The following PAN3 variants were observed in gnomAD, a reference collection of about 807,000 sequenced individuals.
The protein encoded by PAN3 is poly(A) specific ribonuclease subunit PAN3, also known as PAN2-PAN3 deadenylation complex subunit PAN3.
A neutral mutation model predicts 96.2 loss-of-function variants in PAN3; 19 were observed. The observed-to-expected ratio is 0.20, with a 90% CI of 0.14 to 0.29. PAN3 has a LOEUF of 0.29. Among genes scored for constraint, PAN3 ranks in the 10% least tolerant of loss-of-function variants. The pLI, the probability that PAN3 is intolerant of heterozygous loss-of-function variation, is 1.00. For synonymous variants in PAN3, 433 were observed against 406.6 expected (o/e 1.06, Z -0.78); for missense variants, 882 against 1,108.1 (o/e 0.80, Z 2.90).
At chr13:28,198,089 A>G (rs931311453) in intron 5 of PAN3, among the ~76,000 whole-genome samples, 8 of 152,188 alleles carry the variant, frequency 5.3e-5, no homozygotes, top group African/African-American at 1.9e-4. Flanking sequence ...CCTGGCCAAC[A>G]TGGTGAAACC....
chr13:28,187,021 A>T (rs1243819980), intron 4 of PAN3, among the ~76,000 whole-genome samples: 2 of 151,982 alleles, frequency 1.3e-5, no homozygotes, highest in Non-Finnish European at 2.9e-5. Flanking sequence ...GCAACATGGT[A>T]AGACCCGTCT....
At chr13:28,265,662 G>T (rs1314660371) in intron 9 of PAN3, among the ~76,000 whole-genome samples, 1 of 151,822 alleles carries the variant, frequency 6.6e-6, no homozygotes, top group African/African-American at 2.4e-5. Flanking sequence ...TCTTAATAGG[G>T]TTTCATCTGT....
rs748021448 is a variant in PAN3 at position 28,288,014 on chromosome 13, T to C, written c.2415T>C (p.Thr805=). The change falls in exon 18 of 19, where the codon ACT becomes ACC. Residue 805 remains threonine (T), a synonymous_variant. Transcript: ENST00000380958. ...AGAAGGATCCCACTTGGTCAGAGAC[T>C]GGAGACCGTTATCTGTTGAAACTCT... is the stretch of plus-strand genomic sequence containing the variant. ...EFQKDPTWSE[T]GDRYLLKLFR... is the part of the protein sequence containing the mutation. The C allele has an allele frequency of 1.2e-6, 2 of 1,613,024 alleles. No individual in the cohort carries two copies. The highest frequency in any genetic ancestry group is 2.2e-5 in the South Asian group (2 of 90,768).
rs148946237 is a variant in PAN3, at chr13:28,263,291, G to C, written c.1411+1833G>C. On this transcript the variant is annotated intron_variant, in intron 9 of 18. Coordinates refer to ENST00000380958, the MANE Select transcript of PAN3 (RefSeq NM_175854.8). ...CTGTGATAAAGTTGGCAAATAAGTG[G>C]GGGAAAAGAAAGCATTGGAAAAATG... Among the ~76,000 whole-genome samples, 22 of 152,262 alleles carry C rather than the reference G, an allele frequency of 1.4e-4. 1 individual carries two copies. In the East Asian group the frequency reaches 4.3e-3, roughly 29 times the overall value.
chr13:28,252,827 T>TAA lies in PAN3; in HGVS notation c.1001-3464_1001-3463insAA, dbSNP rs2138567974. The stretch of plus-strand genomic sequence containing the variant: ...TATTCTTAATTTAGAATATTTAAAA[T>TAA]ACAAATTTTCATCCTTCTAGATTGT... On this transcript the variant is annotated intron_variant, in intron 6 of 18. Transcript: ENST00000380958. 2.0e-5 allele frequency among the ~76,000 whole-genome samples: 3 copies of TAA among 152,298 alleles called. No homozygotes were observed. In the South Asian group the frequency reaches 6.2e-4, roughly 32 times the overall value.
chr13:28,156,831 A>C (rs113248513), intron 1 of PAN3, among the ~76,000 whole-genome samples: 1 of 151,862 alleles, frequency 6.6e-6, no homozygotes, highest in Non-Finnish European at 1.5e-5. Flanking sequence ...TATGTCTACC[A>C]AAAAATTTAA....
chr13:28,218,847 C>T (rs1006895383), intron 5 of PAN3, among the ~76,000 whole-genome samples: 1 of 152,116 alleles, frequency 6.6e-6, no homozygotes. Context: ...TTTGCTGTCT[C>T]CTGGTAATCT....
intron 4 of PAN3, among the ~76,000 whole-genome samples, chr13:28,181,413 G>A (rs113388044): frequency 3.7e-4 from 56 of 150,322 alleles, no homozygotes; most frequent in African/African-American, 1.2e-3. Flanking sequence ...GGGAGGATGA[G>A]AGGTGGGAGG....
intron 6 of PAN3, among the ~76,000 whole-genome samples, chr13:28,241,688 G>A (rs1883677083): frequency 6.6e-6 from 1 of 152,184 alleles, no homozygotes. Flanking sequence ...TAAACACAGT[G>A]TCTGTGTTTT....
At chr13:28,235,682 T>TACACACACATACACACACACACAC (rs1555285729) in intron 6 of PAN3, among the ~76,000 whole-genome samples, 18 of 123,506 alleles carry the variant, frequency 1.5e-4, no homozygotes, top group African/African-American at 6.3e-4. Flanking sequence ...TTCTCTAATA[T>TACACACACATACACACACACACAC]ACACACACAC....
At position 28,249,335 on chromosome 13, in the gene PAN3, T is replaced by A. The variant is rs1884495494; in HGVS notation, c.1001-6957T>A. Among the ~76,000 whole-genome samples the A allele has an allele frequency of 2.6e-5, 4 of 152,250 alleles. No homozygotes were observed. The South Asian group carries it at 8.3e-4, about 31-fold the overall frequency. On this transcript the variant is annotated intron_variant, in intron 6 of 18. Coordinates refer to ENST00000380958, the MANE Select transcript of PAN3 (RefSeq NM_175854.8). ...TATATGGTATGAAGTAGGTGTTGGA[T>A]GTTATATATTATGTTTCTGTTTCAC...
chr13:28,268,072 T>C (rs147869421), intron 12 of PAN3, among the ~76,000 whole-genome samples: 116 of 152,304 alleles, frequency 7.6e-4, no homozygotes, highest in African/African-American at 2.7e-3. Context: ...TTTAAAAATA[T>C]GATGCTTTCT....
In PAN3 at chr13:28,197,310, G is replaced by T; in HGVS notation, c.816G>T (p.Met272Ile). ...DRCKSGVPINMVWWNRVTENN... is the reference protein window; with the variant it reads ...DRCKSGVPINIVWWNRVTENN... ...GTAAATCAGGAGTACCCATCAATAT[G>T]GTTTGGTGGAACAGAGTCACAGAAA... The change falls in exon 5 of 19, where the codon ATG becomes ATT. Residue 272 changes from methionine (M) to isoleucine (I), a missense_variant. Physicochemically the swap from Met to Ile is conservative, Grantham distance 10. Coordinates refer to ENST00000380958, the MANE Select transcript of PAN3 (RefSeq NM_175854.8). The T allele has an allele frequency of 6.2e-7, 1 of 1,609,960 alleles. No individual in the cohort carries two copies. Among genetic ancestry groups the T allele is most frequent in the Non-Finnish European group, 8.5e-7 (1 of 1,178,042 alleles).
At chr13:28,139,190 C>T in intron 1 of PAN3, 103 bp downstream of exon 1, 1 of 1,189,400 alleles carries the variant, frequency 8.4e-7, no homozygotes, top group Non-Finnish European at 1.1e-6. Context: ...GCGGGCTCCC[C>T]CCCTCACCTC....
intron 1 of PAN3, among the ~76,000 whole-genome samples, chr13:28,159,791 G>A (rs1872676890): frequency 6.6e-6 from 1 of 151,952 alleles, no homozygotes; most frequent in African/African-American, 2.4e-5. Flanking sequence ...AGGAGGGTGA[G>A]GAAGGGAAAA....
intron 6 of PAN3, among the ~76,000 whole-genome samples, chr13:28,228,044 A>G (rs941435283): frequency 5.3e-5 from 8 of 152,240 alleles, no homozygotes; most frequent in Non-Finnish European, 1.0e-4. Flanking sequence ...TCTTTAGTCA[A>G]GTAGGTTGAG....
intron 5 of PAN3, among the ~76,000 whole-genome samples, chr13:28,216,284 T>C (rs1790890651): frequency 6.6e-6 from 1 of 151,626 alleles, no homozygotes; most frequent in Non-Finnish European, 1.5e-5. Context: ...TAATTCATAG[T>C]GACAGAAAGT....
chr13:28,191,087 C>T (rs1026034804), intron 4 of PAN3, among the ~76,000 whole-genome samples: 1 of 152,184 alleles, frequency 6.6e-6, no homozygotes, highest in Non-Finnish European at 1.5e-5. Context: ...GTAAGGATTT[C>T]TAGAAGCTCG....
intron 18 of PAN3, among the ~76,000 whole-genome samples, chr13:28,288,920 G>C (rs928360309): frequency 5.6e-5 from 8 of 142,116 alleles, no homozygotes; most frequent in Non-Finnish European, 1.0e-4. Context: ...TCCGCCTCCC[G>C]GGTTCACGCC....
Sources: gnomAD v4.1 joint callset for allele counts (sites outside exome capture counted in the v4.1 genomes callset) on GRCh38, gnomAD v4.1.1 for gene constraint, MANE v1.5 for transcripts, NCBI Gene and HGNC (gene_info 2026-07-23, HGNC 2026-07-21) for gene names.